RRAGB: variants seen among roughly 807,000 people sequenced by gnomAD.
RRAGB encodes the protein ras-related GTP-binding protein B.
Under a neutral mutation model 29.3 loss-of-function variants are expected in RRAGB, and 6 were observed. The observed-to-expected ratio is 0.21, with a 90% CI of 0.11 to 0.40. RRAGB has a LOEUF of 0.40. Ranked by LOEUF, RRAGB falls within the 10% of genes least tolerant of loss-of-function variation. RRAGB has a pLI of 1.00. For missense variants in RRAGB, 184 were observed against 272.9 expected, an observed-to-expected ratio of 0.67 and a Z score of 2.29; for synonymous variants, 101 against 92.5, an observed-to-expected ratio of 1.09 and a Z score of -0.53.
chrX:55,739,797 C>CTT (rs2033989785), intron 5 of RRAGB, among the ~76,000 whole-genome samples: 1 of 111,230 alleles, frequency 9.0e-6, no homozygotes, highest in Non-Finnish European at 1.9e-5. Flanking sequence ...GCTAACAAAG[C>CTT]CTTCAGTCTA....
intron 7 of RRAGB, among the ~76,000 whole-genome samples, chrX:55,754,695 C>G (rs2034614354): frequency 8.9e-6 from 1 of 112,371 alleles, no homozygotes; most frequent in South Asian, 3.7e-4. Flanking sequence ...ACTATAGCAA[C>G]AGGGCAGAGA....
intron 5 of RRAGB, among the ~76,000 whole-genome samples, chrX:55,743,590 T>A (rs1489554390): frequency 1.8e-5 from 2 of 112,810 alleles, no homozygotes; most frequent in African/African-American, 6.5e-5. Flanking sequence ...GGTCATCCTA[T>A]CTACTTGGTT....
Position 55,750,988 on chromosome X carries a change from C to T in RRAGB, c.517-113C>T, listed in dbSNP as rs753582861. The T allele has an allele frequency of 1.1e-4, 50 of 476,126 alleles. No homozygotes were observed. The African/African-American group carries it at 1.1e-3, about 11-fold the overall frequency. The allele number at this position is 476,126 out of a possible 1,213,427, so 39.2% of individuals were successfully genotyped here. A position where few individuals can be genotyped will look rare whatever the true frequency, so the allele number is the denominator to read the frequency against. ...TTGTGAAATAGACATACTTAAAATT[C>T]CTCTTAGAAAGGAACAAAAGCTCCT... On this transcript the variant is annotated intron_variant, in intron 5 of 9. Coordinates refer to ENST00000374941, the MANE Select transcript of RRAGB (RefSeq NM_006064.5).
intron 1 of RRAGB, 91 bp from the exon 2 acceptor site, chrX:55,719,223 C>G (rs889470568): frequency 1.2e-5 from 10 of 811,713 alleles, no homozygotes; most frequent in Admixed American, 2.9e-5. Flanking sequence ...TAAACATGCT[C>G]TTTTGTACCT....
chrX:55,731,341 T>G (rs935361131), intron 4 of RRAGB, 23 bp from the exon 5 acceptor site: 1 of 1,093,091 alleles, frequency 9.1e-7, no homozygotes, highest in Non-Finnish European at 1.3e-6. Flanking sequence ...ATTTGCTTAC[T>G]ATATATATAT....
At chrX:55,718,450 G>T (rs776027997) in intron 1 of RRAGB, 31 bp downstream of exon 1, 2 of 961,447 alleles carry the variant, frequency 2.1e-6, no homozygotes, top group African/African-American at 3.9e-5. Flanking sequence ...AAACCTGGAA[G>T]TGGGGGTGTT....
rs763753866 is a variant in RRAGB, at chrX:55,747,925, C to T, written c.517-3176C>T. Among the ~76,000 whole-genome samples the T allele has an allele frequency of 1.7e-4, 19 of 110,121 alleles. 1 individual carries two copies. The South Asian group carries it at 5.7e-3, about 33-fold the overall frequency. The stretch of plus-strand genomic sequence containing the variant: ...GTCTCCCCCTGATGCCGAGCCGAAG[C>T]TGGACTGTACTGCTGCCATCTCGGC... On this transcript the variant is annotated intron_variant, in intron 5 of 9. Coordinates refer to ENST00000374941, the MANE Select transcript of RRAGB (RefSeq NM_006064.5).
chrX:55,740,716 T>C (rs1178246555), intron 5 of RRAGB, among the ~76,000 whole-genome samples: 1 of 111,779 alleles, frequency 8.9e-6, no homozygotes, highest in Non-Finnish European at 1.9e-5. Flanking sequence ...CTGTGACCAG[T>C]GCTGGCTGCA....
intron 3 of RRAGB, among the ~76,000 whole-genome samples, chrX:55,722,764 T>C (rs1043312677): frequency 3.8e-4 from 43 of 112,225 alleles, no homozygotes; most frequent in Admixed American, 3.5e-3. Flanking sequence ...TGGATACACA[T>C]AGATGATCTC....
In RRAGB at chrX:55,757,173, T is replaced by A. The variant is rs781433192; in HGVS notation, c.828-43T>A. The A allele has an allele frequency of 1.4e-5, 10 of 729,279 alleles. No individual in the cohort carries two copies. The Admixed American group carries it at 2.3e-4, about 17-fold the overall frequency. 60.1% of individuals were successfully genotyped at this position (729,279 alleles called of 1,213,427 possible). A position where few individuals can be genotyped will look rare whatever the true frequency, so the allele number is the denominator to read the frequency against. On this transcript the variant is annotated intron_variant, in intron 8 of 9. Transcript: ENST00000374941. ...ACATAAATAAGAGCTTGTTGTAGTG[T>A]TATTATTTCATTCTTTAACCTCTCT...
chrX:55,755,526 G>T, intron 7 of RRAGB: 1 of 739,174 alleles, frequency 1.4e-6, no homozygotes, highest in South Asian at 6.9e-5. Flanking sequence ...AAAAATCGAA[G>T]ACCATCATGC....
intron 5 of RRAGB, among the ~76,000 whole-genome samples, chrX:55,742,305 T>C (rs908244459): frequency 8.0e-5 from 9 of 112,570 alleles, no homozygotes; most frequent in Non-Finnish European, 1.5e-4. Context: ...CAGATTACCT[T>C]TGCCCACAGC....
chrX:55,719,650 C>G (rs756008321), intron 2 of RRAGB, among the ~76,000 whole-genome samples: 1 of 112,159 alleles, frequency 8.9e-6, no homozygotes, highest in African/African-American at 3.2e-5. Flanking sequence ...CTTATGCACC[C>G]TATCACAGCC....
Position 55,751,087 on chromosome X carries a change from G to A in RRAGB, c.517-14G>A, listed in dbSNP as rs1345850507. 4.7e-6 allele frequency: 5 copies of A among 1,056,892 alleles called. No individual in the cohort carries two copies. The highest frequency in any genetic ancestry group is 5.3e-6 in the Non-Finnish European group (4 of 758,120). 87.1% of individuals were successfully genotyped at this position (1,056,892 alleles called of 1,213,427 possible). On this transcript the variant is annotated splice_polypyrimidine_tract_variant and intron_variant, in intron 5 of 9. Transcript: ENST00000374941. ...TATTATATGCTGATCAGTATGTTGG[G>A]CTTTTTAATTTAGATTTTTAAAGAG...
At chrX:55,722,554 C>T (rs2033320123) in intron 3 of RRAGB, among the ~76,000 whole-genome samples, 1 of 111,962 alleles carries the variant, frequency 8.9e-6, no homozygotes, top group African/African-American at 3.3e-5. Flanking sequence ...ATTTCTTAAA[C>T]AAGCATTGTT....
At chrX:55,747,442 T>C (rs2034281827) in intron 5 of RRAGB, among the ~76,000 whole-genome samples, 1 of 111,941 alleles carries the variant, frequency 8.9e-6, no homozygotes, top group Non-Finnish European at 1.9e-5. Context: ...GTAAGAGTTT[T>C]TTTTCAGGGC....
rs1381051530 is a variant in RRAGB, at chrX:55,757,204, A to T, written c.828-12A>T. On this transcript the variant is annotated splice_polypyrimidine_tract_variant and intron_variant, in intron 8 of 9. Transcript: ENST00000374941. The stretch of plus-strand genomic sequence containing the variant: ...TTTCATTCTTTAACCTCTCTTCTTC[A>T]TTTTCCTATAGCAAGCTGGCTGCCT... The T allele has an allele frequency of 2.2e-5, 23 of 1,059,909 alleles. No homozygotes were observed. The highest frequency in any genetic ancestry group is 2.9e-5 in the Non-Finnish European group (22 of 766,031). The allele number at this position is 1,059,909 out of a possible 1,213,427, so 87.3% of individuals were successfully genotyped here.
At chrX:55,750,164 A>G (rs2034477153) in intron 5 of RRAGB, among the ~76,000 whole-genome samples, 1 of 87,528 alleles carries the variant, frequency 1.1e-5, no homozygotes, top group Non-Finnish European at 2.3e-5. Context: ...GTGAATATAC[A>G]TATACATACA....
intron 5 of RRAGB, among the ~76,000 whole-genome samples, chrX:55,736,050 C>T (rs2033853779): frequency 8.9e-6 from 1 of 112,199 alleles, no homozygotes; most frequent in South Asian, 3.7e-4. Flanking sequence ...TTCTTTCCTT[C>T]ATGTTGACTT....
Sources: gnomAD v4.1 joint callset for allele counts (sites outside exome capture counted in the v4.1 genomes callset) on GRCh38, gnomAD v4.1.1 for gene constraint, MANE v1.5 for transcripts, NCBI Gene and HGNC (gene_info 2026-07-23, HGNC 2026-07-21) for gene names.